Variants in NREP observed in about 807,000 individuals in gnomAD.
NREP encodes neuronal regeneration-related protein.
Under a neutral mutation model 8.6 loss-of-function variants are expected in NREP, and 5 were observed. The ratio of observed to expected loss-of-function variants is 0.58; its 90% CI spans 0.30 to 1.22. The LOEUF (loss-of-function observed/expected upper bound fraction) is 1.22. NREP is among the 50% of genes most tolerant of loss of function. The pLI, the probability that NREP is intolerant of heterozygous loss-of-function variation, is 0.07. For synonymous variants in NREP, 27 were observed against 28.0 expected (o/e 0.96, Z 0.11); for missense variants, 86 against 82.5 (o/e 1.04, Z -0.17).
intron 2 of NREP, among the ~76,000 whole-genome samples, chr5:111,949,929 G>A (rs1021704468): frequency 2.6e-5 from 4 of 151,934 alleles, no homozygotes; most frequent in East Asian, 3.9e-4. Flanking sequence ...ATTTATAATC[G>A]TTTGGGTGTA....
At chr5:111,838,863 A>C (rs937282630) in intron 2 of NREP, among the ~76,000 whole-genome samples, 1 of 152,110 alleles carries the variant, frequency 6.6e-6, no homozygotes, top group African/African-American at 2.4e-5. Flanking sequence ...TAGCTGATGT[A>C]TACACAGATG....
rs139800595 is a variant in NREP, at chr5:111,878,581, C to T, written c.135+96693G>A. Reference sequence around the variant, plus strand: ...GATTTGGGTGGGGAACAAAGCCCAACCATATCACTAGATAAGAAGTTTGTT... The same window carrying T: ...GATTTGGGTGGGGAACAAAGCCCAATCATATCACTAGATAAGAAGTTTGTT... On this transcript the variant is annotated intron_variant, in intron 2 of 3. Transcript: ENST00000395634. Among the ~76,000 whole-genome samples, 10 of 152,254 alleles carry T rather than the reference C, an allele frequency of 6.6e-5. No homozygotes were observed. The East Asian group carries it at 1.4e-3, about 21-fold the overall frequency.
intron 2 of NREP, among the ~76,000 whole-genome samples, chr5:111,933,740 T>G (rs1236821085): frequency 6.6e-6 from 1 of 152,122 alleles, no homozygotes; most frequent in African/African-American, 2.4e-5. Context: ...AGAATTTCTA[T>G]GAACGAAAGA....
At chr5:111,967,835 C>T (rs1020895477) in intron 2 of NREP, among the ~76,000 whole-genome samples, 5 of 151,930 alleles carry the variant, frequency 3.3e-5, no homozygotes, top group African/African-American at 7.2e-5. Flanking sequence ...TTCCCTTCAC[C>T]TGGTTCAACC....
chr5:111,792,145 C>A lies in NREP; in HGVS notation c.136-56638G>T, dbSNP rs192760731. The stretch of plus-strand genomic sequence containing the variant: ...GAATATGTATATTTTGACAGGCTGA[C>A]AATAAGAAATTCACATATAATTGAT... On this transcript the variant is annotated intron_variant, in intron 2 of 3. Coordinates refer to the NREP transcript ENST00000395634. Among the ~76,000 whole-genome samples, 7 of 152,264 alleles carry A rather than the reference C, an allele frequency of 4.6e-5. No homozygotes were observed. The East Asian group carries it at 1.4e-3, about 29-fold the overall frequency.
At chr5:111,900,612 A>C (rs890139038) in intron 2 of NREP, among the ~76,000 whole-genome samples, 1 of 152,118 alleles carries the variant, frequency 6.6e-6, no homozygotes, top group Non-Finnish European at 1.5e-5. Context: ...ACAAAAGATC[A>C]CCAGGGACTA....
At chr5:111,897,827 A>T (rs554224362) in intron 2 of NREP, among the ~76,000 whole-genome samples, 5 of 152,182 alleles carry the variant, frequency 3.3e-5, no homozygotes, top group Non-Finnish European at 7.3e-5. Flanking sequence ...GTGGAAAATA[A>T]CATAAAAGTA....
intron 2 of NREP, among the ~76,000 whole-genome samples, chr5:111,896,249 T>G (rs1212762847): frequency 6.6e-6 from 1 of 152,072 alleles, no homozygotes; most frequent in Non-Finnish European, 1.5e-5. Flanking sequence ...AAGAATAGAT[T>G]CTAGAGGTGG....
chr5:111,790,301 C>T (rs540950848), intron 2 of NREP, among the ~76,000 whole-genome samples: 22 of 141,034 alleles, frequency 1.6e-4, no homozygotes, highest in African/African-American at 5.1e-4. Context: ...TTAAGTCTGA[C>T]TAAACTTTCT....
chr5:111,929,123 G>A (rs1162396415), intron 2 of NREP, among the ~76,000 whole-genome samples: 1 of 151,952 alleles, frequency 6.6e-6, no homozygotes, highest in Non-Finnish European at 1.5e-5. Flanking sequence ...CTTAGTAAAT[G>A]GTACTAATAG....
At chr5:111,736,586 C>G (rs1453532230) in intron 2 of NREP, among the ~76,000 whole-genome samples, 2 of 152,152 alleles carry the variant, frequency 1.3e-5, no homozygotes, top group East Asian at 3.9e-4. Context: ...GACTGTAATG[C>G]TTGGTATACC....
intron 2 of NREP, among the ~76,000 whole-genome samples, chr5:111,877,929 A>C (rs1753951140): frequency 6.6e-6 from 1 of 152,216 alleles, no homozygotes; most frequent in Admixed American, 6.5e-5. Context: ...AGCTATGTGA[A>C]AGAGAGGGAC....
intron 2 of NREP, among the ~76,000 whole-genome samples, chr5:111,788,322 C>T (rs1475164939): frequency 6.6e-6 from 1 of 152,172 alleles, no homozygotes; most frequent in Non-Finnish European, 1.5e-5. Flanking sequence ...TTCTCAATAT[C>T]TTCATTAAAT....
At chr5:111,975,451 T>C in intron 1 of NREP, 1 of 989,982 alleles carries the variant, frequency 1.0e-6, no homozygotes. Flanking sequence ...GCTCCAGCAA[T>C]TCAGAGAGGA....
At chr5:111,754,189 T>G (rs1295041103) in intron 2 of NREP, among the ~76,000 whole-genome samples, 1 of 152,208 alleles carries the variant, frequency 6.6e-6, no homozygotes, top group Non-Finnish European at 1.5e-5. Context: ...AATTAACACG[T>G]AATAATAATT....
Position 111,772,209 on chromosome 5 carries a change from T to G in NREP, c.136-36702A>C, listed in dbSNP as rs563431479. Among the ~76,000 whole-genome samples, 5 of 152,286 alleles carry G rather than the reference T, an allele frequency of 3.3e-5. No homozygotes were observed. The South Asian group carries it at 8.3e-4, about 25-fold the overall frequency. On this transcript the variant is annotated intron_variant, in intron 2 of 3. Coordinates refer to the NREP transcript ENST00000395634. ...CTTAAATGTGATTCTTTAGTTGCCC[T>G]CATGCTGTGACTTGTAAAATTATCA...
chr5:111,866,897 A>C (rs1753678610), intron 2 of NREP, among the ~76,000 whole-genome samples: 1 of 151,968 alleles, frequency 6.6e-6, no homozygotes, highest in African/African-American at 2.4e-5. Flanking sequence ...TCGCAAGGAC[A>C]AAAAACCAAA....
chr5:111,824,941 T>G (rs1270993586), intron 2 of NREP, among the ~76,000 whole-genome samples: 1 of 152,202 alleles, frequency 6.6e-6, no homozygotes, highest in Non-Finnish European at 1.5e-5. Flanking sequence ...AATAAATGCA[T>G]TACATATATC....
intron 2 of NREP, among the ~76,000 whole-genome samples, chr5:111,859,663 T>G (rs1379631894): frequency 6.6e-6 from 1 of 152,116 alleles, no homozygotes; most frequent in East Asian, 1.9e-4. Context: ...TGTAGGTATT[T>G]ATTTTTCTAA....
Sources: gnomAD v4.1 joint callset for allele counts (sites outside exome capture counted in the v4.1 genomes callset) on GRCh38, gnomAD v4.1.1 for gene constraint, MANE v1.5 for transcripts, NCBI Gene and HGNC (gene_info 2026-07-23, HGNC 2026-07-21) for gene names.